Variants in TOM1L2 observed in about 807,000 individuals in gnomAD.
TOM1L2 encodes TOM1-like protein 2.
Under a neutral mutation model 67.9 loss-of-function variants are expected in TOM1L2, and 31 were observed. That is an observed-to-expected ratio of 0.46 (90% confidence interval 0.34 to 0.62). TOM1L2 has a LOEUF of 0.62. Among genes scored for constraint, TOM1L2 ranks in the 20% least tolerant of loss-of-function variants. TOM1L2 has a pLI of 0.01. For missense variants in TOM1L2, 606 were observed against 663.5 expected (o/e 0.91, Z 0.95); for synonymous variants, 256 against 254.0 (o/e 1.01, Z -0.07).
chr17:17,850,266 G>A (rs1254576429), intron 13 of TOM1L2, among the ~76,000 whole-genome samples: 3 of 152,130 alleles, frequency 2.0e-5, no homozygotes, highest in Admixed American at 1.3e-4. Context: ...AGAGGGAGGG[G>A]CCAGCAGTTA....
intron 1 of TOM1L2, among the ~76,000 whole-genome samples, chr17:17,956,842 C>T (rs533647472): frequency 6.6e-6 from 1 of 152,204 alleles, no homozygotes; most frequent in South Asian, 2.1e-4. Flanking sequence ...GGTTCCCGCC[C>T]GCGCCTCTCC....
At chr17:17,847,934 G>T (rs1464951066) in intron 14 of TOM1L2, 151 bp from the exon 15 acceptor site, 30 of 980,522 alleles carry the variant, frequency 3.1e-5, no homozygotes, top group Non-Finnish European at 4.5e-5. Flanking sequence ...GTGAGCTGCA[G>T]TGTGGGGGGA....
intron 3 of TOM1L2, among the ~76,000 whole-genome samples, chr17:17,895,938 C>T (rs770602040): frequency 5.3e-5 from 8 of 152,216 alleles, no homozygotes; most frequent in Non-Finnish European, 1.2e-4. Flanking sequence ...CAGCCAGAAT[C>T]GTTCCTTGCC....
chr17:17,949,758 C>G (rs1405977553), intron 1 of TOM1L2, among the ~76,000 whole-genome samples: 1 of 152,254 alleles, frequency 6.6e-6, no homozygotes, highest in East Asian at 1.9e-4. Context: ...CAGAAGAGCA[C>G]TCCTCAGAGA....
At chr17:17,910,656 A>C (rs995306660) in intron 1 of TOM1L2, among the ~76,000 whole-genome samples, 3 of 149,610 alleles carry the variant, frequency 2.0e-5, no homozygotes, top group African/African-American at 7.4e-5. Flanking sequence ...TGCAACCTTT[A>C]CCTCCTGGGT....
rs1388082590 is a variant in TOM1L2, at chr17:17,866,753, T to C, written c.960+123A>G. 9 of 1,027,938 alleles carry C rather than the reference T, an allele frequency of 8.8e-6. No homozygotes were observed. In the East Asian group the frequency reaches 2.1e-4, roughly 24 times the overall value. The allele number at this position is 1,027,938 out of a possible 1,614,324, so 63.7% of individuals were successfully genotyped here. A position where few individuals can be genotyped will look rare whatever the true frequency, so the allele number is the denominator to read the frequency against. On this transcript the variant is annotated intron_variant, in intron 9 of 14. Transcript: ENST00000379504. ...CCCTAGTATCCCATCAACCAGAGCT[T>C]GCCTCTTCAATTTCCCAAATATTTC... is the stretch of plus-strand genomic sequence containing the variant.
chr17:17,866,850 T>C lies in TOM1L2; in HGVS notation c.960+26A>G, dbSNP rs551160408. 3.0e-5 allele frequency: 48 copies of C among 1,611,120 alleles called. No homozygotes were observed. In the South Asian group the frequency reaches 5.1e-4, roughly 17 times the overall value. Reference sequence around the variant, plus strand: ...GAGGGGTAGGTCTGGCCTCAGGAGATGACAGGATTCTGAAGGAATACTTAC... The same window carrying C: ...GAGGGGTAGGTCTGGCCTCAGGAGACGACAGGATTCTGAAGGAATACTTAC... On this transcript the variant is annotated intron_variant, in intron 9 of 14. Coordinates refer to ENST00000379504, the MANE Select transcript of TOM1L2 (RefSeq NM_001082968.2).
intron 1 of TOM1L2, among the ~76,000 whole-genome samples, chr17:17,934,527 G>A (rs763102373): frequency 1.3e-5 from 2 of 152,180 alleles, no homozygotes; most frequent in African/African-American, 4.8e-5. Context: ...GGTAACAATG[G>A]CAAACATCTT....
chr17:17,844,899 T>C lies in TOM1L2; in HGVS notation c.*2736A>G, dbSNP rs968451610. On this transcript the variant is annotated 3_prime_UTR_variant, in exon 15 of 15. Coordinates refer to ENST00000379504, the MANE Select transcript of TOM1L2 (RefSeq NM_001082968.2). ...TGCTTATAAGGAATCCCAGCAATAA[T>C]TTAGTGTAATTAAGTATATACTGTA... 1.3e-5 allele frequency: 2 copies of C among 152,426 alleles called. No homozygotes were observed. The highest frequency in any genetic ancestry group is 4.8e-5 in the African/African-American group (2 of 41,458). 9.4% of individuals were successfully genotyped at this position (152,426 alleles called of 1,614,324 possible). A position where few individuals can be genotyped will look rare whatever the true frequency, so the allele number is the denominator to read the frequency against.
At chr17:17,867,685 G>A (rs906020012) in intron 8 of TOM1L2, among the ~76,000 whole-genome samples, 5 of 152,200 alleles carry the variant, frequency 3.3e-5, no homozygotes, top group African/African-American at 1.2e-4. Context: ...TTTCCAGCTG[G>A]AGCCTTAGAC....
At chr17:17,869,559 T>C (rs2037046942) in intron 7 of TOM1L2, 86 bp from the exon 8 acceptor site, 1 of 1,479,288 alleles carries the variant, frequency 6.8e-7, no homozygotes, top group Non-Finnish European at 8.9e-7. Flanking sequence ...GTACTGATTC[T>C]TAAAAGTCAC....
At chr17:17,955,100 T>C (rs1310360951) in intron 1 of TOM1L2, among the ~76,000 whole-genome samples, 1 of 152,142 alleles carries the variant, frequency 6.6e-6, no homozygotes, top group Non-Finnish European at 1.5e-5. Flanking sequence ...GTGTCATAGT[T>C]AGTCTCTCAT....
chr17:17,881,780 C>T (rs1056047691), intron 6 of TOM1L2, among the ~76,000 whole-genome samples: 8 of 152,234 alleles, frequency 5.3e-5, no homozygotes, highest in East Asian at 1.9e-4. Context: ...CTGCTCTCAC[C>T]GTACTCCCTG....
chr17:17,871,606 G>A (rs558846805), intron 7 of TOM1L2, among the ~76,000 whole-genome samples: 105 of 152,190 alleles, frequency 6.9e-4, no homozygotes, highest in Non-Finnish European at 1.3e-3. Context: ...GGGAGGCAGA[G>A]GCTACAGTGA....
chr17:17,906,765 C>T (rs954338009), intron 2 of TOM1L2, among the ~76,000 whole-genome samples: 7 of 152,222 alleles, frequency 4.6e-5, no homozygotes, highest in Admixed American at 2.0e-4. Flanking sequence ...CCAGGGATGC[C>T]TGAGTCCCAG....
intron 7 of TOM1L2, among the ~76,000 whole-genome samples, chr17:17,875,342 G>C (rs112086388): frequency 2.6e-4 from 39 of 151,914 alleles, no homozygotes; most frequent in African/African-American, 9.2e-4. Flanking sequence ...TGCTACCACA[G>C]TGCCAGCCGG....
Position 17,866,348 on chromosome 17 carries a change from C to G in TOM1L2, c.1032G>C (p.Met344Ile). The change falls in exon 10 of 15, where the codon ATG becomes ATC. Residue 344 changes from methionine to isoleucine, a missense_variant. By Grantham distance (10) the Met-to-Ile change is conservative (BLOSUM62 1). This residue lies in a region of TOM1L2 where 543 missense variants were observed against 554.0 expected (regional missense o/e 0.98). Coordinates refer to ENST00000379504, the MANE Select transcript of TOM1L2 (RefSeq NM_001082968.2). The stretch of plus-strand genomic sequence containing the variant: ...AAGATGGGGGCGCTGTGTTCCCCAC[C>G]ATTGGGCTCACCACGGCTGGAGACC... ...GPGSPAVVSPMVGNTAPPSSL... is the reference protein window; with the variant it reads ...GPGSPAVVSPIVGNTAPPSSL... 6.2e-7 allele frequency: 1 copy of G among 1,611,862 alleles called. No homozygotes were observed. Among genetic ancestry groups the G allele is most frequent in the Non-Finnish European group, 8.5e-7 (1 of 1,179,018 alleles).
At chr17:17,949,517 T>C (rs1290034979) in intron 1 of TOM1L2, among the ~76,000 whole-genome samples, 1 of 152,190 alleles carries the variant, frequency 6.6e-6, no homozygotes, top group Non-Finnish European at 1.5e-5. Flanking sequence ...GGTGGGTATA[T>C]GAAAAAAGTT....
intron 4 of TOM1L2, among the ~76,000 whole-genome samples, chr17:17,889,850 C>T (rs2038185579): frequency 6.6e-6 from 1 of 152,218 alleles, no homozygotes; most frequent in Admixed American, 6.5e-5. Flanking sequence ...AGGACTGACC[C>T]TGTCCCACTT....
Sources: allele counts gnomAD v4.1 joint callset (sites outside exome capture counted in the v4.1 genomes callset), GRCh38; gene constraint gnomAD v4.1.1; regional missense constraint gnomAD v4.1.1; transcripts MANE v1.5; gene names NCBI Gene and HGNC (gene_info 2026-07-23, HGNC 2026-07-21).